Variants in TBC1D22A observed in about 807,000 individuals in gnomAD.
TBC1D22A encodes putative GTPase activator.
In TBC1D22A, 38 loss-of-function variants were observed where a neutral mutation model predicts 60.2. That is an observed-to-expected ratio of 0.63 (90% confidence interval 0.49 to 0.83). TBC1D22A has a LOEUF of 0.83. Among genes scored for constraint, TBC1D22A ranks in the 40% least tolerant of loss-of-function variants. TBC1D22A has a pLI of 0.00. For synonymous variants in TBC1D22A, 302 were observed against 281.7 expected (o/e 1.07, Z -0.72); for missense variants, 628 against 701.0 (o/e 0.90, Z 1.18).
At chr22:47,172,109 C>A (rs978439232) in intron 12 of TBC1D22A, among the ~76,000 whole-genome samples, 7 of 151,274 alleles carry the variant, frequency 4.6e-5, no homozygotes, top group African/African-American at 1.5e-4. Context: ...GCTGTGTGCT[C>A]ACCCAGAGTG....
At chr22:46,914,561 A>T (rs1007776517) in intron 8 of TBC1D22A, 3 of 151,970 alleles carry the variant, frequency 2.0e-5, no homozygotes, top group African/African-American at 4.8e-5. Context: ...TCCGCCTTTC[A>T]TTATGTTGTA....
intron 11 of TBC1D22A, among the ~76,000 whole-genome samples, chr22:47,088,115 C>A (rs1310189187): frequency 6.6e-6 from 1 of 151,526 alleles, no homozygotes; most frequent in African/African-American, 2.4e-5. Context: ...AAAAAAGATT[C>A]AATATGAACT....
At chr22:47,123,665 C>G (rs779877262) in intron 12 of TBC1D22A, among the ~76,000 whole-genome samples, 15 of 152,230 alleles carry the variant, frequency 9.9e-5, no homozygotes, top group Non-Finnish European at 1.9e-4. Context: ...CTCTTTCATC[C>G]TGTGTTCACT....
chr22:46,840,721 A>C (rs2086718753), intron 4 of TBC1D22A, among the ~76,000 whole-genome samples: 1 of 151,468 alleles, frequency 6.6e-6, no homozygotes. Flanking sequence ...TGGCAGAGCG[A>C]GACTCTGTCT....
chr22:47,158,974 CACA>C (rs970150403), intron 12 of TBC1D22A, among the ~76,000 whole-genome samples: 2 of 151,588 alleles, frequency 1.3e-5, no homozygotes, highest in African/African-American at 2.4e-5. Flanking sequence ...AGACACCACA[CACA>C]ACACACACCA....
chr22:46,900,077 C>T (rs1036533513), intron 7 of TBC1D22A, among the ~76,000 whole-genome samples: 10 of 151,930 alleles, frequency 6.6e-5, no homozygotes, highest in African/African-American at 2.4e-4. Context: ...TTCTCTCCCT[C>T]TGGTCAGCTT....
chr22:46,908,945 A>G (rs1161119934), intron 7 of TBC1D22A, among the ~76,000 whole-genome samples: 1 of 152,074 alleles, frequency 6.6e-6, no homozygotes, highest in Non-Finnish European at 1.5e-5. Context: ...GGCCTCATGG[A>G]GGCTCCTGCT....
chr22:46,918,684 C>T (rs576524045), intron 8 of TBC1D22A, among the ~76,000 whole-genome samples: 10 of 152,318 alleles, frequency 6.6e-5, no homozygotes, highest in African/African-American at 1.7e-4. Flanking sequence ...TGCTAGCGAC[C>T]TGCCAAATCT....
chr22:46,818,606 G>C (rs973330012), intron 4 of TBC1D22A, among the ~76,000 whole-genome samples: 1 of 152,114 alleles, frequency 6.6e-6, no homozygotes, highest in Non-Finnish European at 1.5e-5. Context: ...TGCTCCATTG[G>C]TCTATATGTC....
chr22:47,094,340 CTT>C (rs2065090704), intron 11 of TBC1D22A, among the ~76,000 whole-genome samples: 1 of 152,170 alleles, frequency 6.6e-6, no homozygotes, highest in Non-Finnish European at 1.5e-5. Flanking sequence ...AGTCAGGGGA[CTT>C]TGCATAAAGC....
At chr22:47,134,902 T>C (rs1227801626) in intron 12 of TBC1D22A, among the ~76,000 whole-genome samples, 1 of 151,540 alleles carries the variant, frequency 6.6e-6, no homozygotes, top group African/African-American at 2.4e-5. Context: ...TGATACAGAG[T>C]TTCCCTGCCC....
intron 12 of TBC1D22A, among the ~76,000 whole-genome samples, chr22:47,114,795 G>A (rs1248544670): frequency 6.6e-6 from 1 of 152,112 alleles, no homozygotes; most frequent in Non-Finnish European, 1.5e-5. Context: ...CAGAAGAAAG[G>A]CAGAGACCCT....
chr22:47,156,895 C>A (rs1359245672), intron 12 of TBC1D22A, among the ~76,000 whole-genome samples: 1 of 152,242 alleles, frequency 6.6e-6, no homozygotes, highest in Non-Finnish European at 1.5e-5. Context: ...CTTCTGTCGT[C>A]CTGGCCACAG....
chr22:46,978,979 C>T (rs2074411282), intron 9 of TBC1D22A, among the ~76,000 whole-genome samples: 1 of 152,264 alleles, frequency 6.6e-6, no homozygotes, highest in East Asian at 1.9e-4. Flanking sequence ...TATTACTCAA[C>T]AAATGGTAGT....
chr22:46,791,548 T>C lies in TBC1D22A; in HGVS notation c.63-972T>C, dbSNP rs1258442869. On this transcript the variant is annotated intron_variant, in intron 1 of 12. Transcript: ENST00000337137. Reference sequence around the variant, plus strand: ...CTAAGCCTGTTTTTTTTTTTTTTTTTCCAGAAAAGTAAAAACCAGCATTTA... The same window carrying C: ...CTAAGCCTGTTTTTTTTTTTTTTTTCCCAGAAAAGTAAAAACCAGCATTTA... Among the ~76,000 whole-genome samples the C allele has an allele frequency of 8.4e-5, 12 of 143,568 alleles. 1 individual carries two copies. In the South Asian group the frequency reaches 1.1e-3, roughly 13 times the overall value. 94.2% of individuals were successfully genotyped at this position (143,568 alleles called of 152,430 possible).
chr22:46,796,043 C>T (rs538294307), intron 3 of TBC1D22A, among the ~76,000 whole-genome samples: 7 of 152,300 alleles, frequency 4.6e-5, no homozygotes, highest in South Asian at 2.1e-4. Flanking sequence ...TGGAGCCAGA[C>T]GCCCCGGGCT....
At chr22:46,903,558 C>T (rs2069166441) in intron 7 of TBC1D22A, among the ~76,000 whole-genome samples, 1 of 152,170 alleles carries the variant, frequency 6.6e-6, no homozygotes, top group African/African-American at 2.4e-5. Flanking sequence ...TCTAGAGGGA[C>T]CAGCAAGGTC....
intron 10 of TBC1D22A, among the ~76,000 whole-genome samples, chr22:47,003,972 C>T (rs746530783): frequency 2.6e-4 from 39 of 148,226 alleles, no homozygotes; most frequent in Admixed American, 2.0e-4. Flanking sequence ...CCTGTATACA[C>T]ACCCTACGCA....
chr22:46,910,334 C>G (rs1240980053), intron 7 of TBC1D22A, among the ~76,000 whole-genome samples: 2 of 152,078 alleles, frequency 1.3e-5, no homozygotes, highest in Admixed American at 6.6e-5. Context: ...TCCCAGGTCC[C>G]TCCTTTGTAG....
Sources: gnomAD v4.1 joint callset for allele counts (sites outside exome capture counted in the v4.1 genomes callset) on GRCh38, gnomAD v4.1.1 for gene constraint, MANE v1.5 for transcripts, NCBI Gene and HGNC (gene_info 2026-07-23, HGNC 2026-07-21) for gene names.